The following ODAD4 variants were observed in gnomAD, a reference collection of about 807,000 sequenced individuals.
ODAD4 encodes outer dynein arm-docking complex subunit 4.
Under a neutral mutation model 51.8 loss-of-function variants are expected in ODAD4, and 49 were observed. That is an observed-to-expected ratio of 0.95 (90% confidence interval 0.75 to 1.20). ODAD4 has a LOEUF of 1.20. ODAD4 is among the 50% of genes most tolerant of loss of function. ODAD4 has a pLI of 0.00. For synonymous variants in ODAD4, 235 were observed against 221.3 expected, an observed-to-expected ratio of 1.06 and a Z score of -0.55; for missense variants, 590 against 586.5, an observed-to-expected ratio of 1.01 and a Z score of -0.06.
intron 8 of ODAD4, 121 bp downstream of exon 8, chr17:41,945,343 C>CCAAA: frequency 2.3e-6 from 1 of 438,974 alleles, no homozygotes; most frequent in Admixed American, 4.6e-5. Context: ...TCCCTCTCTA[C>CCAAA]AAAAAAAAAA....
chr17:41,939,326 A>T (rs1253187046), intron 7 of ODAD4, among the ~76,000 whole-genome samples, 154 bp downstream of exon 7: 3 of 152,162 alleles, frequency 2.0e-5, no homozygotes, highest in Admixed American at 2.0e-4. Flanking sequence ...CCACCTGCCC[A>T]GGACTGAGGG....
chr17:41,962,160 T>G, intron 11 of ODAD4, among the ~76,000 whole-genome samples: 1 of 151,336 alleles, frequency 6.6e-6, no homozygotes, highest in Non-Finnish European at 1.5e-5. Flanking sequence ...CACTAGGAGG[T>G]GTAGGTGCTG....
intron 11 of ODAD4, among the ~76,000 whole-genome samples, chr17:41,963,212 A>ACCCT (rs1484037340): frequency 6.6e-6 from 1 of 152,076 alleles, no homozygotes; most frequent in Non-Finnish European, 1.5e-5. Flanking sequence ...GAGACCTGAG[A>ACCCT]CCCTCTGCAG....
chr17:41,960,656 A>C (rs149653563), intron 10 of ODAD4, among the ~76,000 whole-genome samples: 2 of 152,170 alleles, frequency 1.3e-5, no homozygotes, highest in Admixed American at 1.3e-4. Context: ...TGTGACCCTC[A>C]CTGACTCCTC....
intron 11 of ODAD4, 113 bp from the exon 12 acceptor site, chr17:41,964,880 G>C: frequency 1.7e-6 from 1 of 597,726 alleles, no homozygotes; most frequent in African/African-American, 1.9e-5. Context: ...TGGCCTCAAG[G>C]GATCTGCCTG....
In ODAD4 at chr17:41,939,264, A is replaced by G; in HGVS notation, c.1058+92A>G. On this transcript the variant is annotated intron_variant, in intron 7 of 11. Coordinates refer to ENST00000377540, the MANE Select transcript of ODAD4 (RefSeq NM_031421.5). ...CCTTGCCAGGGCTGCTGGTGGCTTGACTCCCATTTTCTGCTCTGCATGCCT... is the reference window on the plus strand; with the variant it reads ...CCTTGCCAGGGCTGCTGGTGGCTTGGCTCCCATTTTCTGCTCTGCATGCCT... The G allele has an allele frequency of 3.1e-6, 4 of 1,272,206 alleles. No individual in the cohort carries two copies. The Admixed American group carries it at 8.0e-5, about 26-fold the overall frequency. The allele number at this position is 1,272,206 out of a possible 1,614,324, so 78.8% of individuals were successfully genotyped here. A position where few individuals can be genotyped will look rare whatever the true frequency, so the allele number is the denominator to read the frequency against.
intron 11 of ODAD4, among the ~76,000 whole-genome samples, chr17:41,963,177 C>T (rs972140990): frequency 2.0e-5 from 3 of 152,176 alleles, no homozygotes; most frequent in Admixed American, 2.0e-4. Context: ...CATCTGTTTT[C>T]ACCACCAAAG....
chr17:41,963,395 C>T (rs868993266), intron 11 of ODAD4, among the ~76,000 whole-genome samples: 65 of 152,188 alleles, frequency 4.3e-4, no homozygotes, highest in African/African-American at 1.5e-3. Context: ...TATAGGAAAC[C>T]TATCTTTTTC....
At chr17:41,949,817 C>T (rs1462813350) in intron 9 of ODAD4, among the ~76,000 whole-genome samples, 2 of 152,056 alleles carry the variant, frequency 1.3e-5, no homozygotes, top group Non-Finnish European at 2.9e-5. Context: ...GGATTACAGG[C>T]GTCTGCCACC....
chr17:41,945,665 G>A (rs1371593865), intron 8 of ODAD4, among the ~76,000 whole-genome samples: 1 of 152,160 alleles, frequency 6.6e-6, no homozygotes, highest in Non-Finnish European at 1.5e-5. Context: ...TTGGGAGGCC[G>A]AGGCAGGCGG....
chr17:41,941,057 C>T (rs35766360), intron 7 of ODAD4, among the ~76,000 whole-genome samples: 27,673 of 152,146 alleles, frequency 0.18, 2,676 homozygotes, highest in African/African-American at 0.21. Flanking sequence ...GTCTGGATGA[C>T]AGGCGTGAGC....
intron 5 of ODAD4, among the ~76,000 whole-genome samples, chr17:41,937,812 A>G (rs1555638060): frequency 1.3e-5 from 2 of 152,226 alleles, no homozygotes; most frequent in Admixed American, 6.5e-5. Flanking sequence ...CAGTGACAGG[A>G]TGAAGGACAG....
In ODAD4 at chr17:41,930,881, C is replaced by CTTTTTTT. The variant is rs782820445; in HGVS notation, c.114+67_114+73dup. ...CTATCCATCACCCCATCACCCGTCA[C>CTTTTTTT]TTTTTTTTTTTTTTTTTTTTTTTTT... is the stretch of plus-strand genomic sequence containing the variant. On this transcript the variant is annotated intron_variant, in intron 1 of 11. Coordinates refer to ENST00000377540, the MANE Select transcript of ODAD4 (RefSeq NM_031421.5). The CTTTTTTT allele has an allele frequency of 9.0e-3, 871 of 97,204 alleles. 49 individuals carry two copies. The highest frequency in any genetic ancestry group is 0.018 in the Middle Eastern group (4 of 222). 6.0% of individuals were successfully genotyped at this position (97,204 alleles called of 1,614,324 possible).
At chr17:41,964,309 C>T (rs970478269) in intron 11 of ODAD4, among the ~76,000 whole-genome samples, 5 of 150,954 alleles carry the variant, frequency 3.3e-5, no homozygotes, top group Admixed American at 6.6e-5. Context: ...GATCCACCTG[C>T]CTCGGCCTCC....
rs2144518005 is a variant in ODAD4 at position 41,949,159 on chromosome 17, A to G, written c.1152A>G (p.Glu384=). 1 of 398,522 alleles carries G rather than the reference A, an allele frequency of 2.5e-6. No individual in the cohort carries two copies. The allele number at this position is 398,522 out of a possible 1,614,324, so 24.7% of individuals were successfully genotyped here. A position where few individuals can be genotyped will look rare whatever the true frequency, so the allele number is the denominator to read the frequency against. The part of the protein sequence containing the change: ...GKFQQAIDTW[E]EKIPLAKTTL... ...TGGTTCTTCATGTCCCCAGGTGGGA[A>G]GAAAAGATCCCTCTGGCAAAAACCA... The change falls in exon 9 of 12, where the codon GAA becomes GAG. Residue 384 remains glutamate, a synonymous_variant. Transcript: ENST00000377540.
At chr17:41,943,020 G>C (rs1355925569) in intron 7 of ODAD4, among the ~76,000 whole-genome samples, 1 of 151,980 alleles carries the variant, frequency 6.6e-6, no homozygotes, top group Non-Finnish European at 1.5e-5. Context: ...GAACCATTGT[G>C]CCCGCGTTTT....
chr17:41,942,472 T>C (rs1356758240), intron 7 of ODAD4, among the ~76,000 whole-genome samples: 2 of 152,238 alleles, frequency 1.3e-5, no homozygotes, highest in African/African-American at 2.4e-5. Flanking sequence ...CATATTGTTA[T>C]GAAAAATGGA....
intron 7 of ODAD4, among the ~76,000 whole-genome samples, chr17:41,941,762 G>A (rs1363158196): frequency 1.4e-5 from 1 of 72,726 alleles, no homozygotes. Flanking sequence ...GCGAGACTCC[G>A]TCTCAAAAAA....
rs893552986 is a variant in ODAD4, at chr17:41,933,827, G to C, written c.115-1390G>C. Among the ~76,000 whole-genome samples, 3 of 150,714 alleles carry C rather than the reference G, an allele frequency of 2.0e-5. 1 individual carries two copies. Among genetic ancestry groups the C allele is most frequent in the Admixed American group, 1.3e-4 (2 of 15,184 alleles). On this transcript the variant is annotated intron_variant, in intron 1 of 11. Coordinates refer to ENST00000377540, the MANE Select transcript of ODAD4 (RefSeq NM_031421.5). ...AGACTCTGTCTCAAAAAAGAAAAAG[G>C]GGGGTGGGTACAGTTAGATGCCTCA...
Sources: allele counts gnomAD v4.1 joint callset (sites outside exome capture counted in the v4.1 genomes callset), GRCh38; gene constraint gnomAD v4.1.1; transcripts MANE v1.5; gene names NCBI Gene and HGNC (gene_info 2026-07-23, HGNC 2026-07-21).